ESR1: variants seen among roughly 807,000 people sequenced by gnomAD.
ESR1 encodes estrogen receptor.
A neutral mutation model predicts 52.7 loss-of-function variants in ESR1; 12 were observed. That is an observed-to-expected ratio of 0.23 (90% CI 0.15 to 0.37). The LOEUF (loss-of-function observed/expected upper bound fraction) is 0.37, where lower values mean the gene tolerates loss of function less well. Among genes scored for constraint, ESR1 ranks in the 10% least tolerant of loss-of-function variants. The probability of loss-of-function intolerance (pLI) is 1.00; values close to 1 mark genes in which losing one functional copy is unlikely to be tolerated. For missense variants in ESR1, 584 were observed against 779.7 expected, an observed-to-expected ratio of 0.75 and a Z score of 2.99; for synonymous variants, 305 against 316.8, an observed-to-expected ratio of 0.96 and a Z score of 0.39.
At chr6:152,126,344 C>T (rs1279202482) in exon 7 of ESR1, 1 of 152,102 alleles carries the variant, frequency 6.6e-6, no homozygotes, top group Non-Finnish European at 1.5e-5. Flanking sequence ...CTAATGGTCC[C>T]AGGGAAAGGG....
chr6:151,658,901 T>C (rs1254365308), intron 1 of ESR1, among the ~76,000 whole-genome samples: 1 of 152,220 alleles, frequency 6.6e-6, no homozygotes, highest in Non-Finnish European at 1.5e-5. Context: ...TTAAATATCA[T>C]ATTGCATGTG....
chr6:151,847,920 C>T (rs1267830198), intron 2 of ESR1, among the ~76,000 whole-genome samples: 3 of 151,286 alleles, frequency 2.0e-5, no homozygotes, highest in Non-Finnish European at 4.4e-5. Context: ...GTCAGTGTGG[C>T]GATTCCTCAG....
intron 5 of ESR1, among the ~76,000 whole-genome samples, chr6:152,034,979 G>T (rs2045154834): frequency 6.6e-6 from 1 of 152,192 alleles, no homozygotes; most frequent in Non-Finnish European, 1.5e-5. Flanking sequence ...TTGCTTAGAG[G>T]AAGCCATGTT....
At chr6:152,020,988 C>T (rs965613800) in intron 5 of ESR1, among the ~76,000 whole-genome samples, 3 of 152,134 alleles carry the variant, frequency 2.0e-5, no homozygotes, top group African/African-American at 7.2e-5. Flanking sequence ...TAGAGATCTT[C>T]ATTAAGTCAT....
At position 152,099,676 on chromosome 6, in the gene ESR1, C is replaced by T; in HGVS notation, c.*710C>T. ...CCTCTGGCTTTCCGGTCATGGGTTC[C>T]AGTTAATTCATGCCTCCCATGGACC... On this transcript the variant is annotated 3_prime_UTR_variant, in exon 8 of 8. Transcript: ENST00000206249. 1 of 265,128 alleles carries T rather than the reference C, an allele frequency of 3.8e-6. No homozygotes were observed. The highest frequency in any genetic ancestry group is 5.6e-5 in the East Asian group (1 of 17,824). 16.4% of individuals were successfully genotyped at this position (265,128 alleles called of 1,614,324 possible). A position where few individuals can be genotyped will look rare whatever the true frequency, so the allele number is the denominator to read the frequency against.
rs574983580 is a variant in ESR1 at position 152,062,374 on chromosome 6, G to A, written c.1369+1250G>A. On this transcript the variant is annotated intron_variant, in intron 6 of 7. Transcript: ENST00000206249. ...TCTTCCCCACCACCACTAGTAACCT[G>A]TGTTGCCTAATGGTTATCACAGTAA... 2.2e-4 allele frequency among the ~76,000 whole-genome samples: 33 copies of A among 152,252 alleles called. No individual in the cohort carries two copies. In the South Asian group the frequency reaches 5.4e-3, roughly 25 times the overall value.
intron 1 of ESR1, among the ~76,000 whole-genome samples, chr6:151,661,759 T>C (rs1777645352): frequency 6.6e-6 from 1 of 152,202 alleles, no homozygotes; most frequent in African/African-American, 2.4e-5. Context: ...GCTGTTCTCA[T>C]GACAGAGAGT....
At chr6:151,692,426 G>T (rs896839180) in intron 1 of ESR1, among the ~76,000 whole-genome samples, 1 of 152,140 alleles carries the variant, frequency 6.6e-6, no homozygotes, top group Non-Finnish European at 1.5e-5. Context: ...TTTGAATAGG[G>T]AACAGCTGTG....
intron 4 of ESR1, among the ~76,000 whole-genome samples, chr6:151,981,440 A>C (rs1308166669): frequency 6.6e-6 from 1 of 152,250 alleles, no homozygotes; most frequent in East Asian, 1.9e-4. Context: ...ATTTGTTCTT[A>C]GAGTAAATGA....
chr6:151,863,858 A>C (rs1179864377), intron 2 of ESR1, among the ~76,000 whole-genome samples: 1 of 152,234 alleles, frequency 6.6e-6, no homozygotes, highest in East Asian at 1.9e-4. Flanking sequence ...GGCTAGCCAT[A>C]TGTAGAAAGC....
At chr6:151,794,680 C>T (rs1293780906) in intron 2 of ESR1, among the ~76,000 whole-genome samples, 2 of 152,080 alleles carry the variant, frequency 1.3e-5, no homozygotes, top group Non-Finnish European at 2.9e-5. Flanking sequence ...ATAGTCAAAA[C>T]TGGCATTGCA....
intron 3 of ESR1, among the ~76,000 whole-genome samples, chr6:151,935,182 A>G (rs1448479554): frequency 1.3e-5 from 2 of 152,232 alleles, no homozygotes; most frequent in Non-Finnish European, 1.5e-5. Context: ...GGATATGGCG[A>G]GTGCTCAATA....
chr6:151,837,890 T>C (rs1342991370), intron 1 of ESR1, among the ~76,000 whole-genome samples: 1 of 152,234 alleles, frequency 6.6e-6, no homozygotes, highest in Non-Finnish European at 1.5e-5. Flanking sequence ...AATAAAGGGA[T>C]AGGGCTCGGT....
chr6:152,014,333 C>T (rs1410781478), intron 5 of ESR1, among the ~76,000 whole-genome samples: 5 of 152,128 alleles, frequency 3.3e-5, no homozygotes. Flanking sequence ...ACCTCCACTT[C>T]CTCCAGTTAC....
intron 1 of ESR1, among the ~76,000 whole-genome samples, chr6:151,835,706 A>C (rs1783216257): frequency 6.6e-6 from 1 of 152,158 alleles, no homozygotes; most frequent in African/African-American, 2.4e-5. Context: ...CTCAGAGGTG[A>C]ATTTGACAGC....
chr6:151,966,126 T>C (rs1180982395), intron 4 of ESR1, among the ~76,000 whole-genome samples: 1 of 152,194 alleles, frequency 6.6e-6, no homozygotes, highest in Non-Finnish European at 1.5e-5. Flanking sequence ...CCAAAAAATT[T>C]GCTTTCACAT....
At chr6:151,961,788 G>T (rs1173081128) in intron 4 of ESR1, among the ~76,000 whole-genome samples, 1 of 152,138 alleles carries the variant, frequency 6.6e-6, no homozygotes, top group Admixed American at 6.5e-5. Flanking sequence ...GAGAGGGAAA[G>T]TAAATGGAAT....
chr6:151,736,628 C>G (rs550920043), intron 2 of ESR1, among the ~76,000 whole-genome samples: 40 of 152,212 alleles, frequency 2.6e-4, no homozygotes, highest in African/African-American at 9.2e-4. Context: ...ATCCACCCAC[C>G]TTGGCCTCCT....
intron 5 of ESR1, among the ~76,000 whole-genome samples, chr6:152,017,468 G>A (rs565930048): frequency 6.6e-6 from 1 of 152,168 alleles, no homozygotes; most frequent in Non-Finnish European, 1.5e-5. Flanking sequence ...TTCTCTTGGG[G>A]TGTGTGTGTC....
Sources: allele counts gnomAD v4.1 joint callset (sites outside exome capture counted in the v4.1 genomes callset), GRCh38; gene constraint gnomAD v4.1.1; transcripts MANE v1.5; gene names NCBI Gene and HGNC (gene_info 2026-07-23, HGNC 2026-07-21).